Variants in HS2ST1 observed in about 807,000 individuals in gnomAD.
HS2ST1 encodes 2-O-sulfotransferase.
Under a neutral mutation model 42.9 loss-of-function variants are expected in HS2ST1, and 18 were observed. That is an observed-to-expected ratio of 0.42 (90% CI 0.29 to 0.62). The LOEUF (loss-of-function observed/expected upper bound fraction) is 0.62, where lower values mean the gene tolerates loss of function less well. Ranked by LOEUF, HS2ST1 falls within the 20% of genes least tolerant of loss-of-function variation. The pLI is 0.21. For missense variants in HS2ST1, 334 were observed against 433.8 expected, an observed-to-expected ratio of 0.77 and a Z score of 2.04; for synonymous variants, 146 against 152.9, an observed-to-expected ratio of 0.95 and a Z score of 0.33.
intron 1 of HS2ST1, among the ~76,000 whole-genome samples, chr1:86,923,966 A>G (rs566369263): frequency 2.0e-5 from 3 of 152,250 alleles, no homozygotes; most frequent in South Asian, 2.1e-4. Flanking sequence ...CATTAACTCA[A>G]AAGTCCACAG....
chr1:86,923,901 A>C (rs1437789572), intron 1 of HS2ST1, among the ~76,000 whole-genome samples: 3 of 152,112 alleles, frequency 2.0e-5, no homozygotes, highest in Admixed American at 6.5e-5. Flanking sequence ...ATGTCCTCAC[A>C]TTTCAAAACC....
At chr1:86,983,531 C>T (rs1648660625) in intron 1 of HS2ST1, among the ~76,000 whole-genome samples, 1 of 152,234 alleles carries the variant, frequency 6.6e-6, no homozygotes, top group South Asian at 2.1e-4. Context: ...TCCCTCGACA[C>T]ATGGGATTAC....
At chr1:87,020,198 G>T (rs1232543372) in intron 1 of HS2ST1, among the ~76,000 whole-genome samples, 1 of 152,074 alleles carries the variant, frequency 6.6e-6, no homozygotes, top group Non-Finnish European at 1.5e-5. Flanking sequence ...AGGAACTCTG[G>T]CCATTTCAAA....
chr1:86,976,704 G>GTATATATATATATATATA (rs147039703), intron 1 of HS2ST1, among the ~76,000 whole-genome samples: 1,377 of 79,616 alleles, frequency 0.017, 161 homozygotes, highest in Admixed American at 0.081. Flanking sequence ...TTATAAAATT[G>GTATATATATATATATATA]TATATATATA....
In HS2ST1 at chr1:87,106,839, C is replaced by T. The variant is rs530244530; in HGVS notation, c.*2143C>T. On this transcript the variant is annotated 3_prime_UTR_variant, in exon 7 of 7. Transcript: ENST00000370550. ...ACCCAGTATGCAAGTTATTCTTGCA[C>T]CACATGCTCAAATCTTCTTGAGGTG... 1.2e-3 allele frequency: 184 copies of T among 152,134 alleles called. 1 individual carries two copies. The highest frequency in any genetic ancestry group is 4.1e-3 in the African/African-American group (172 of 41,534). 9.4% of individuals were successfully genotyped at this position (152,134 alleles called of 1,614,324 possible).
chr1:87,072,285 A>G (rs1029696708), intron 1 of HS2ST1, among the ~76,000 whole-genome samples: 2 of 152,168 alleles, frequency 1.3e-5, no homozygotes, highest in African/African-American at 2.4e-5. Flanking sequence ...TTGTTAAGTC[A>G]TATTAGCATT....
chr1:87,043,617 A>G (rs905991613), intron 1 of HS2ST1, among the ~76,000 whole-genome samples: 2 of 152,182 alleles, frequency 1.3e-5, no homozygotes, highest in African/African-American at 2.4e-5. Context: ...CTTATATTCT[A>G]TGTATGTCTG....
At chr1:86,986,262 A>G (rs1270822808) in intron 1 of HS2ST1, among the ~76,000 whole-genome samples, 4 of 152,106 alleles carry the variant, frequency 2.6e-5, no homozygotes, top group Non-Finnish European at 5.9e-5. Context: ...TTTATAACAG[A>G]AAAGGCCTTT....
At chr1:86,970,397 T>C (rs940783806) in intron 1 of HS2ST1, among the ~76,000 whole-genome samples, 2 of 152,264 alleles carry the variant, frequency 1.3e-5, no homozygotes, top group African/African-American at 4.8e-5. Flanking sequence ...TAAGCATAAT[T>C]TTAATTTATA....
At chr1:87,033,498 A>C (rs1019531215) in intron 1 of HS2ST1, among the ~76,000 whole-genome samples, 2 of 152,042 alleles carry the variant, frequency 1.3e-5, no homozygotes, top group Non-Finnish European at 2.9e-5. Flanking sequence ...TTCTTTCTCT[A>C]ATTCTTCTAT....
chr1:86,935,668 T>G (rs1051073609), intron 1 of HS2ST1, among the ~76,000 whole-genome samples: 2 of 151,990 alleles, frequency 1.3e-5, no homozygotes, highest in Non-Finnish European at 2.9e-5. Flanking sequence ...TTTGCCGTGT[T>G]GACCAGGCTA....
At chr1:86,957,965 G>A (rs937952938) in intron 1 of HS2ST1, among the ~76,000 whole-genome samples, 21 of 151,912 alleles carry the variant, frequency 1.4e-4, no homozygotes, top group African/African-American at 5.1e-4. Flanking sequence ...GCTGATTTTT[G>A]TATTTTTAGT....
chr1:86,993,042 T>G, intron 1 of HS2ST1: 1 of 1,574,786 alleles, frequency 6.4e-7, no homozygotes, highest in Non-Finnish European at 8.6e-7. Flanking sequence ...AAGAGTCTTA[T>G]GACTGGCATC....
rs184823162 is a variant in HS2ST1, at chr1:87,076,862, A to G, written c.363+3690A>G. On this transcript the variant is annotated intron_variant, in intron 2 of 6. Transcript: ENST00000370550. ...TTTTGTTAAAACATTGGAAATACCT[A>G]GAATTTGTATTCTCTGAAGAACAAC... Among the ~76,000 whole-genome samples, 59 of 152,316 alleles carry G rather than the reference A, an allele frequency of 3.9e-4. 1 individual carries two copies. In the East Asian group the frequency reaches 5.8e-3, roughly 15 times the overall value.
At chr1:87,062,871 A>G (rs559839758) in intron 1 of HS2ST1, among the ~76,000 whole-genome samples, 3 of 152,278 alleles carry the variant, frequency 2.0e-5, no homozygotes, top group South Asian at 4.1e-4. Flanking sequence ...ATGGTTCGTG[A>G]TAAGAAATCT....
rs1249461153 is a variant in HS2ST1 at position 86,966,068 on chromosome 1, A to AG, written c.124+50911dup. On this transcript the variant is annotated intron_variant, in intron 1 of 6. Transcript: ENST00000370550. ...AGCGGAAGATTGGAGGACAGGTAGA[A>AG]GGGAGAAGCCAGGGTATTTTTTGGT... Among the ~76,000 whole-genome samples the AG allele has an allele frequency of 2.0e-5, 3 of 152,334 alleles. No homozygotes were observed. In the East Asian group the frequency reaches 5.8e-4, roughly 29 times the overall value.
intron 1 of HS2ST1, among the ~76,000 whole-genome samples, chr1:86,948,482 C>T (rs1035660190): frequency 7.2e-5 from 11 of 152,164 alleles, no homozygotes; most frequent in African/African-American, 2.4e-4. Context: ...AGCGTTCATT[C>T]ATGTGTAGTT....
At chr1:87,045,868 T>C in intron 1 of HS2ST1, 1 of 708,020 alleles carries the variant, frequency 1.4e-6, no homozygotes, top group Non-Finnish European at 2.6e-6. Context: ...ACTCTCAGAG[T>C]CTCAGTGCTG....
At chr1:87,042,059 A>G (rs1317203498) in intron 1 of HS2ST1, among the ~76,000 whole-genome samples, 1 of 152,098 alleles carries the variant, frequency 6.6e-6, no homozygotes, top group Non-Finnish European at 1.5e-5. Flanking sequence ...TTGGATATGC[A>G]TTTCCCTGAT....
Sources: allele counts gnomAD v4.1 joint callset (sites outside exome capture counted in the v4.1 genomes callset), GRCh38; gene constraint gnomAD v4.1.1; transcripts MANE v1.5; gene names NCBI Gene and HGNC (gene_info 2026-07-23, HGNC 2026-07-21).